NRXN3: variants seen among roughly 807,000 people sequenced by gnomAD.
The protein encoded by NRXN3 is neurexin 3.
Under a neutral mutation model 137.6 loss-of-function variants are expected in NRXN3, and 32 were observed. The observed-to-expected ratio is 0.23, with a 90% CI of 0.18 to 0.31. The LOEUF (loss-of-function observed/expected upper bound fraction) is 0.31, where lower values mean the gene tolerates loss of function less well. NRXN3 is among the 10% of genes least tolerant of loss of function. NRXN3 has a pLI of 1.00. For synonymous variants in NRXN3, 798 were observed against 784.5 expected (o/e 1.02, Z -0.29); for missense variants, 1,574 against 2,062.5 (o/e 0.76, Z 4.59).
chr14:78,355,311 G>T (rs2084120795), intron 4 of NRXN3, among the ~76,000 whole-genome samples: 1 of 151,670 alleles, frequency 6.6e-6, no homozygotes, highest in Non-Finnish European at 1.5e-5. Flanking sequence ...AACAAGATAG[G>T]CAGGAGCTGG....
intron 3 of NRXN3, among the ~76,000 whole-genome samples, chr14:78,288,041 G>A (rs546948252): frequency 4.8e-4 from 73 of 151,716 alleles, no homozygotes; most frequent in East Asian, 1.9e-4. Context: ...GTGCAGTGGC[G>A]CAATCTCAGC....
intron 15 of NRXN3, among the ~76,000 whole-genome samples, chr14:79,099,574 G>T (rs2050909987): frequency 1.3e-5 from 2 of 152,102 alleles, no homozygotes; most frequent in Admixed American, 6.6e-5. Flanking sequence ...TTTGTAGGTG[G>T]AGAAAATGCC....
intron 4 of NRXN3, among the ~76,000 whole-genome samples, chr14:78,540,225 T>C (rs141662236): frequency 0.028 from 4,256 of 152,224 alleles, 123 homozygotes; most frequent in African/African-American, 0.069. Context: ...TCTCCCATTA[T>C]TATTGTGTGG....
At chr14:78,784,780 G>T (rs1434542282) in intron 8 of NRXN3, among the ~76,000 whole-genome samples, 1 of 152,144 alleles carries the variant, frequency 6.6e-6, no homozygotes, top group Non-Finnish European at 1.5e-5. Flanking sequence ...AGTAGACTTG[G>T]GAGAGGAGAG....
At chr14:78,801,145 C>T (rs1471523516) in intron 8 of NRXN3, among the ~76,000 whole-genome samples, 21 of 152,066 alleles carry the variant, frequency 1.4e-4, no homozygotes, top group Admixed American at 1.4e-3. Flanking sequence ...CACGATGAAA[C>T]CCTATCTCTA....
At position 78,855,284 on chromosome 14, in the gene NRXN3, A is replaced by G. The variant is rs112197250; in HGVS notation, c.2275+44940A>G. On this transcript the variant is annotated intron_variant, in intron 10 of 20. Coordinates refer to ENST00000335750, the MANE Select transcript of NRXN3 (RefSeq NM_001330195.2). ...TCTACCAGAAGATTCGAAGTTTTGT[A>G]GAGACAAATGTTTATGACATTATTA... is the stretch of plus-strand genomic sequence containing the variant. 3.7e-3 allele frequency among the ~76,000 whole-genome samples: 557 copies of G among 152,324 alleles called. 9 individuals carry two copies. Among genetic ancestry groups the G allele is most frequent in the African/African-American group, 0.013 (533 of 41,578 alleles).
intron 15 of NRXN3, among the ~76,000 whole-genome samples, chr14:79,174,979 C>T (rs2062162104): frequency 1.6e-5 from 2 of 124,934 alleles, no homozygotes; most frequent in African/African-American, 5.8e-5. Flanking sequence ...TTCAGATTTC[C>T]TTTTTTTTTT....
chr14:78,991,089 A>G (rs1261954006), intron 15 of NRXN3, among the ~76,000 whole-genome samples: 3 of 152,230 alleles, frequency 2.0e-5, no homozygotes, highest in African/African-American at 7.2e-5. Flanking sequence ...GCAGACTTGA[A>G]TAGGCTCATG....
At chr14:79,840,098 C>A (rs1270148346) in intron 20 of NRXN3, among the ~76,000 whole-genome samples, 4 of 152,084 alleles carry the variant, frequency 2.6e-5, no homozygotes, top group African/African-American at 9.7e-5. Context: ...TATTTCAGGT[C>A]ACAGAAGTTG....
chr14:79,726,707 T>C (rs2098891794), intron 19 of NRXN3, among the ~76,000 whole-genome samples: 1 of 152,200 alleles, frequency 6.6e-6, no homozygotes, highest in African/African-American at 2.4e-5. Context: ...AGATGTAGCT[T>C]ACAAAATATG....
intron 1 of NRXN3, among the ~76,000 whole-genome samples, chr14:78,188,795 A>G (rs561738569): frequency 1.4e-4 from 21 of 152,264 alleles, no homozygotes; most frequent in African/African-American, 4.8e-4. Flanking sequence ...ATGGCGTCAT[A>G]CCTACCCTAC....
At chr14:79,447,070 T>A (rs1032893186) in intron 15 of NRXN3, among the ~76,000 whole-genome samples, 1 of 152,194 alleles carries the variant, frequency 6.6e-6, no homozygotes, top group Admixed American at 6.5e-5. Flanking sequence ...TTGACCATCT[T>A]GGGATTAAGT....
At chr14:79,081,651 A>T (rs533585485) in intron 15 of NRXN3, among the ~76,000 whole-genome samples, 1 of 151,868 alleles carries the variant, frequency 6.6e-6, no homozygotes, top group African/African-American at 2.4e-5. Flanking sequence ...GATGTGTCCA[A>T]GCTCTTTGTC....
chr14:79,400,774 TTATTC>T (rs1425785670), intron 15 of NRXN3, among the ~76,000 whole-genome samples: 5 of 152,182 alleles, frequency 3.3e-5, no homozygotes, highest in Non-Finnish European at 7.4e-5. Flanking sequence ...AATTAAGAGT[TTATTC>T]TCTTCATTAA....
intron 10 of NRXN3, among the ~76,000 whole-genome samples, chr14:78,834,945 T>C (rs2098992243): frequency 6.7e-6 from 1 of 149,154 alleles, no homozygotes; most frequent in African/African-American, 2.5e-5. Flanking sequence ...CTCCCCTTCC[T>C]CCTCCCAACC....
intron 8 of NRXN3, among the ~76,000 whole-genome samples, chr14:78,793,435 G>A (rs1348727213): frequency 6.6e-6 from 1 of 152,158 alleles, no homozygotes; most frequent in African/African-American, 2.4e-5. Flanking sequence ...AGGACTCATA[G>A]GACCCAGAAA....
At chr14:78,495,140 T>TGC (rs1391651701) in intron 4 of NRXN3, among the ~76,000 whole-genome samples, 8 of 17,736 alleles carry the variant, frequency 4.5e-4, no homozygotes, top group African/African-American at 1.1e-3. Context: ...TGTGCGTGCG[T>TGC]GTGTGTGTGT....
intron 15 of NRXN3, among the ~76,000 whole-genome samples, chr14:79,317,752 A>G (rs1166074499): frequency 1.3e-5 from 2 of 152,192 alleles, no homozygotes; most frequent in African/African-American, 4.8e-5. Flanking sequence ...TAGAACATCT[A>G]TTTATATTTA....
chr14:79,823,058 T>C (rs984136589), intron 20 of NRXN3, among the ~76,000 whole-genome samples: 4 of 152,216 alleles, frequency 2.6e-5, no homozygotes, highest in East Asian at 1.9e-4. Flanking sequence ...TGAGCTAACA[T>C]GATCCATCTT....
Sources: allele counts gnomAD v4.1 joint callset (sites outside exome capture counted in the v4.1 genomes callset), GRCh38; gene constraint gnomAD v4.1.1; transcripts MANE v1.5; gene names NCBI Gene and HGNC (gene_info 2026-07-23, HGNC 2026-07-21).